SV2C: variants seen among roughly 807,000 people sequenced by gnomAD.
The protein encoded by SV2C is solute carrier family 22 member B3.
SV2C carries 49 observed loss-of-function variants against 79.7 expected under a neutral mutation model. The observed-to-expected ratio is 0.61, with a 90% confidence interval of 0.49 to 0.78. The LOEUF is 0.78. SV2C is among the 30% of genes least tolerant of loss of function. SV2C has a pLI of 0.00. For synonymous variants in SV2C, 334 were observed against 333.2 expected (o/e 1.00, Z -0.03); for missense variants, 833 against 912.9 (o/e 0.91, Z 1.13).
chr5:76,304,619 A>C (rs1748124426), intron 12 of SV2C, among the ~76,000 whole-genome samples: 2 of 152,248 alleles, frequency 1.3e-5, no homozygotes, highest in Non-Finnish European at 2.9e-5. Flanking sequence ...TGGCAAGTTC[A>C]AGATCAAGGC....
At chr5:75,882,952 G>T in the SV2C span, among the ~76,000 whole-genome samples, 1 of 150,854 alleles carries the variant, frequency 6.6e-6, no homozygotes, top group Non-Finnish European at 1.5e-5. Flanking sequence ...CTGACAAAGG[G>T]CTAATATCCA....
chr5:76,299,722 G>A (rs1220983712), intron 10 of SV2C, among the ~76,000 whole-genome samples: 1 of 152,206 alleles, frequency 6.6e-6, no homozygotes, highest in African/African-American at 2.4e-5. Context: ...GAGGTCAGGT[G>A]TCTTTCTGTT....
intron 1 of SV2C, among the ~76,000 whole-genome samples, chr5:76,103,080 G>A (rs906817207): frequency 7.2e-5 from 11 of 152,104 alleles, no homozygotes; most frequent in African/African-American, 2.2e-4. Flanking sequence ...AGACCATACA[G>A]GAATGTGTAA....
At chr5:76,242,402 C>A in intron 4 of SV2C, 1 of 705,442 alleles carries the variant, frequency 1.4e-6, no homozygotes, top group Non-Finnish European at 2.4e-6. Flanking sequence ...TCACACTGCT[C>A]CGGTCTCAAT....
At chr5:76,284,135 T>C (rs922052402) in intron 4 of SV2C, among the ~76,000 whole-genome samples, 1 of 152,194 alleles carries the variant, frequency 6.6e-6, no homozygotes, top group African/African-American at 2.4e-5. Context: ...GAACCAGCCA[T>C]TGGAATGAAT....
intron 3 of SV2C, among the ~76,000 whole-genome samples, chr5:76,209,499 G>A: frequency 6.6e-6 from 1 of 152,146 alleles, no homozygotes; most frequent in Non-Finnish European, 1.5e-5. Flanking sequence ...AAACACCACT[G>A]CCACCTCTTG....
chr5:75,880,593 C>G, the SV2C span, among the ~76,000 whole-genome samples: 1 of 152,216 alleles, frequency 6.6e-6, no homozygotes, highest in East Asian at 1.9e-4. Context: ...TTCCTCATTT[C>G]CATCTGAAAC....
intron 3 of SV2C, among the ~76,000 whole-genome samples, chr5:76,206,085 CAAAT>C (rs1346749204): frequency 2.0e-5 from 3 of 152,008 alleles, no homozygotes; most frequent in Non-Finnish European, 4.4e-5. Context: ...CAAAAAACAA[CAAAT>C]AAGGAAATTT....
chr5:76,329,008 G>A lies in SV2C; in HGVS notation c.*3461G>A, dbSNP rs753797648. The A allele has an allele frequency of 9.4e-4, 143 of 152,120 alleles. No individual in the cohort carries two copies. Among genetic ancestry groups the A allele is most frequent in the Non-Finnish European group, 1.8e-3 (120 of 68,006 alleles). The allele number at this position is 152,120 out of a possible 1,614,324, so 9.4% of individuals were successfully genotyped here. On this transcript the variant is annotated 3_prime_UTR_variant, in exon 13 of 13. Coordinates refer to ENST00000502798, the MANE Select transcript of SV2C (RefSeq NM_014979.4). ...CTCGAACTCCTGACCTCAAGTGATC[G>A]GCCCACCTCAGCCTCCCAAAATGCT...
intron 12 of SV2C, among the ~76,000 whole-genome samples, chr5:76,349,245 C>G (rs1749601393): frequency 6.6e-6 from 1 of 152,204 alleles, no homozygotes; most frequent in Non-Finnish European, 1.5e-5. Context: ...AGCACGGTGG[C>G]TCACGCCTGT....
At chr5:76,033,898 T>C in the SV2C span, among the ~76,000 whole-genome samples, 1 of 151,776 alleles carries the variant, frequency 6.6e-6, no homozygotes, top group African/African-American at 2.4e-5. Context: ...TGTTCTTCCA[T>C]TTGTTTGTAT....
intron 2 of SV2C, among the ~76,000 whole-genome samples, chr5:76,165,043 T>C (rs905779760): frequency 2.4e-4 from 37 of 152,152 alleles, no homozygotes. Context: ...AATCATCCTT[T>C]TTTAAAAAAA....
At chr5:76,019,605 C>T in the SV2C span, among the ~76,000 whole-genome samples, 1 of 152,130 alleles carries the variant, frequency 6.6e-6, no homozygotes, top group African/African-American at 2.4e-5. Flanking sequence ...ATAGCTTCAC[C>T]ACTGCCACAT....
chr5:76,167,655 T>C (rs1743084007), intron 2 of SV2C, among the ~76,000 whole-genome samples: 1 of 152,206 alleles, frequency 6.6e-6, no homozygotes, highest in African/African-American at 2.4e-5. Flanking sequence ...TTACAATTGA[T>C]GAAAATGATG....
At chr5:76,314,232 T>C (rs927676224) in intron 12 of SV2C, among the ~76,000 whole-genome samples, 3 of 152,208 alleles carry the variant, frequency 2.0e-5, no homozygotes, top group Non-Finnish European at 4.4e-5. Flanking sequence ...CCTCCCCGTA[T>C]GGGGTCCAGC....
the SV2C span, among the ~76,000 whole-genome samples, chr5:76,026,201 A>ACACACACAC: frequency 7.1e-6 from 1 of 140,034 alleles, no homozygotes; most frequent in South Asian, 2.4e-4. Flanking sequence ...CAAATTTACA[A>ACACACACAC]ACACACACAC....
chr5:76,139,939 G>T (rs868625029), intron 2 of SV2C, among the ~76,000 whole-genome samples: 19 of 63,030 alleles, frequency 3.0e-4, no homozygotes, highest in South Asian at 2.0e-3. Flanking sequence ...GCGCAATCTC[G>T]GCTCACTGCA....
chr5:75,914,390 G>A, the SV2C span, among the ~76,000 whole-genome samples: 3 of 152,098 alleles, frequency 2.0e-5, no homozygotes, highest in Non-Finnish European at 4.4e-5. Context: ...TATGATGAAG[G>A]GAACTAGCAT....
intron 4 of SV2C, among the ~76,000 whole-genome samples, chr5:76,264,490 C>T (rs755273210): frequency 1.3e-5 from 2 of 151,994 alleles, no homozygotes; most frequent in Non-Finnish European, 2.9e-5. Context: ...AGAGAAGTTG[C>T]GATCATTTGA....
Sources: allele counts gnomAD v4.1 joint callset (sites outside exome capture counted in the v4.1 genomes callset), GRCh38; gene constraint gnomAD v4.1.1; transcripts MANE v1.5; gene names NCBI Gene and HGNC (gene_info 2026-07-23, HGNC 2026-07-21).